ADAM12: variants seen among roughly 807,000 people sequenced by gnomAD.
ADAM12 encodes ADAM metallopeptidase domain 12, also known as disintegrin and metalloproteinase domain-containing protein 12.
Under a neutral mutation model 106.4 loss-of-function variants are expected in ADAM12, and 70 were observed. That is an observed-to-expected ratio of 0.66 (90% CI 0.54 to 0.80). ADAM12 has a LOEUF of 0.80. Ranked by LOEUF, ADAM12 falls within the 30% of genes least tolerant of loss-of-function variation. ADAM12 has a pLI of 0.00. For synonymous variants in ADAM12, 420 were observed against 433.5 expected, an observed-to-expected ratio of 0.97 and a Z score of 0.39; for missense variants, 1,010 against 1,171.9, an observed-to-expected ratio of 0.86 and a Z score of 2.02.
At chr10:126,162,982 C>A (rs537139456) in intron 3 of ADAM12, among the ~76,000 whole-genome samples, 4 of 152,220 alleles carry the variant, frequency 2.6e-5, no homozygotes, top group East Asian at 3.9e-4. Flanking sequence ...TTTGCAAGAT[C>A]TGGTCAATTA....
intron 3 of ADAM12, among the ~76,000 whole-genome samples, chr10:126,173,895 G>A (rs1186844906): frequency 6.6e-6 from 1 of 151,384 alleles, no homozygotes; most frequent in Non-Finnish European, 1.5e-5. Context: ...TTTTTTTAAA[G>A]AGCATTAATA....
chr10:126,144,228 A>G (rs989445008), intron 4 of ADAM12, among the ~76,000 whole-genome samples: 1 of 152,216 alleles, frequency 6.6e-6, no homozygotes, highest in African/African-American at 2.4e-5. Context: ...TAGTGAGATC[A>G]CTAGATCCAT....
intron 1 of ADAM12, among the ~76,000 whole-genome samples, chr10:126,361,803 G>C (rs938526323): frequency 6.6e-6 from 1 of 152,018 alleles, no homozygotes; most frequent in Non-Finnish European, 1.5e-5. Context: ...CTGGATTAAA[G>C]ATTTAAATAT....
At chr10:126,177,918 C>T (rs1341232621) in intron 3 of ADAM12, among the ~76,000 whole-genome samples, 1 of 152,220 alleles carries the variant, frequency 6.6e-6, no homozygotes, top group Non-Finnish European at 1.5e-5. Flanking sequence ...ACTCAAGCCT[C>T]TGGCATCTTT....
chr10:126,084,526 A>T (rs970042013), intron 11 of ADAM12, among the ~76,000 whole-genome samples: 1 of 152,250 alleles, frequency 6.6e-6, no homozygotes, highest in Non-Finnish European at 1.5e-5. Context: ...TTCCTAGCCC[A>T]GTAGACAGAC....
chr10:126,082,520 C>T (rs981854595), intron 11 of ADAM12, among the ~76,000 whole-genome samples: 1 of 151,968 alleles, frequency 6.6e-6, no homozygotes, highest in Non-Finnish European at 1.5e-5. Flanking sequence ...AGGTGCACAC[C>T]ACCATGCCTG....
chr10:126,321,900 G>A (rs1348472545), intron 2 of ADAM12, among the ~76,000 whole-genome samples: 1 of 133,384 alleles, frequency 7.5e-6, no homozygotes, highest in Non-Finnish European at 1.7e-5. Context: ...TTTCTACCTG[G>A]GGGTCGGGGG....
At chr10:126,112,384 A>T (rs907117791) in intron 6 of ADAM12, among the ~76,000 whole-genome samples, 1 of 151,924 alleles carries the variant, frequency 6.6e-6, no homozygotes, top group Non-Finnish European at 1.5e-5. Context: ...TAAAAAATTT[A>T]AAAAAAGAAA....
In ADAM12 at chr10:126,089,196, C is replaced by T. The variant is rs180866061; in HGVS notation, c.1145+4789G>A. Among the ~76,000 whole-genome samples, 4 of 152,274 alleles carry T rather than the reference C, an allele frequency of 2.6e-5. No individual in the cohort carries two copies. The East Asian group carries it at 7.7e-4, about 29-fold the overall frequency. On this transcript the variant is annotated intron_variant, in intron 11 of 22. Transcript: ENST00000448723. ...GTGGCAACAATTCTTTTCAGATACA[C>T]ATGAAGAAAATGTGAATGTGCTCCT...
chr10:126,257,176 A>G (rs1040692428), intron 3 of ADAM12, among the ~76,000 whole-genome samples: 3 of 152,160 alleles, frequency 2.0e-5, no homozygotes, highest in Admixed American at 6.5e-5. Flanking sequence ...CTAACCCTAC[A>G]TGTGCTCTGC....
intron 3 of ADAM12, among the ~76,000 whole-genome samples, chr10:126,198,257 A>G (rs1211594067): frequency 6.6e-6 from 1 of 152,206 alleles, no homozygotes; most frequent in Non-Finnish European, 1.5e-5. Context: ...GACACATTTC[A>G]AAGACTGAAT....
intron 14 of ADAM12, among the ~76,000 whole-genome samples, chr10:126,063,738 C>T (rs1480555131): frequency 6.6e-5 from 10 of 152,190 alleles, no homozygotes; most frequent in South Asian, 2.1e-4. Context: ...GTGGATTTCA[C>T]GGTTGGACTC....
At chr10:126,338,732 T>C (rs10901598) in intron 1 of ADAM12, among the ~76,000 whole-genome samples, 89,276 of 151,950 alleles carry the variant, frequency 0.59, 26,366 homozygotes, top group Middle Eastern at 0.64. Context: ...CACTTTGTAA[T>C]GCTTTTGCAG....
chr10:126,257,664 C>T (rs576208550), intron 3 of ADAM12, among the ~76,000 whole-genome samples: 25 of 152,264 alleles, frequency 1.6e-4, no homozygotes, highest in African/African-American at 5.5e-4. Context: ...ATACTACAAT[C>T]GCTTCATGAA....
At chr10:126,081,742 C>T (rs73376551) in intron 11 of ADAM12, among the ~76,000 whole-genome samples, 1,802 of 152,314 alleles carry the variant, frequency 0.012, 36 homozygotes, top group African/African-American at 0.04. Context: ...AGATCAAAGT[C>T]TGGTTAACTT....
At chr10:126,133,215 C>A (rs1420008917) in intron 5 of ADAM12, among the ~76,000 whole-genome samples, 4 of 152,254 alleles carry the variant, frequency 2.6e-5, no homozygotes, top group African/African-American at 9.6e-5. Context: ...CAGTTGTCAT[C>A]TTTGCTCTAA....
At chr10:126,171,421 A>C (rs1365388486) in intron 3 of ADAM12, among the ~76,000 whole-genome samples, 3 of 152,204 alleles carry the variant, frequency 2.0e-5, no homozygotes, top group Non-Finnish European at 4.4e-5. Context: ...ATTTGATTGA[A>C]GCAGTAATTC....
intron 3 of ADAM12, among the ~76,000 whole-genome samples, chr10:126,266,553 AGT>A (rs1297426620): frequency 2.0e-5 from 3 of 152,226 alleles, no homozygotes; most frequent in Admixed American, 2.0e-4. Context: ...ATGGCAGTGC[AGT>A]GTCAAGCACA....
intron 2 of ADAM12, among the ~76,000 whole-genome samples, chr10:126,295,940 C>A (rs983985948): frequency 6.6e-6 from 1 of 151,882 alleles, no homozygotes; most frequent in Non-Finnish European, 1.5e-5. Flanking sequence ...TAAACACACA[C>A]ACACATAAAC....
Sources: gnomAD v4.1 joint callset for allele counts (sites outside exome capture counted in the v4.1 genomes callset) on GRCh38, gnomAD v4.1.1 for gene constraint, MANE v1.5 for transcripts, NCBI Gene and HGNC (gene_info 2026-07-23, HGNC 2026-07-21) for gene names.